Variants in LHX2 observed in about 807,000 individuals in gnomAD.
LHX2 encodes LIM/homeobox protein Lhx2.
A neutral mutation model predicts 33.0 loss-of-function variants in LHX2; 6 were observed. The observed-to-expected ratio is 0.18, with a 90% CI of 0.10 to 0.36. The LOEUF (loss-of-function observed/expected upper bound fraction) is 0.36, where lower values mean the gene tolerates loss of function less well. Ranked by LOEUF, LHX2 falls within the 10% of genes least tolerant of loss-of-function variation. LHX2 has a pLI of 1.00. For missense variants in LHX2, 442 were observed against 586.2 expected (o/e 0.75, Z 2.54); for synonymous variants, 292 against 253.1 (o/e 1.15, Z -1.46).
In LHX2 at chr9:124,014,193, A is replaced by G; in HGVS notation, c.323+30A>G. 7.3e-7 allele frequency: 1 copy of G among 1,361,034 alleles called. No homozygotes were observed. Among genetic ancestry groups the G allele is most frequent in the Non-Finnish European group, 9.9e-7 (1 of 1,010,080 alleles). The allele number at this position is 1,361,034 out of a possible 1,614,324, so 84.3% of individuals were successfully genotyped here. A position where few individuals can be genotyped will look rare whatever the true frequency, so the allele number is the denominator to read the frequency against. On this transcript the variant is annotated intron_variant, in intron 2 of 4. Coordinates refer to ENST00000373615, the MANE Select transcript of LHX2 (RefSeq NM_004789.4). The surrounding 1 kb of genome is among the most constrained non-coding windows in gnomAD (Gnocchi z 4.8). Reference sequence around the variant, plus strand: ...CCCCCCCACCCAACTGCCCCTCAGGACCCCTCCCCCCAATCTCAGGCACAG... The same window carrying G: ...CCCCCCCACCCAACTGCCCCTCAGGGCCCCTCCCCCCAATCTCAGGCACAG...
chr9:124,030,725 G>A (rs1366465701), intron 4 of LHX2, among the ~76,000 whole-genome samples: 5 of 147,176 alleles, frequency 3.4e-5, no homozygotes, highest in Non-Finnish European at 7.4e-5. Context: ...TCCGCCTCCC[G>A]GGTTCAAGCA....
At position 124,016,217 on chromosome 9, in the gene LHX2, C is replaced by T. The variant is rs1011167186; in HGVS notation, c.727+692C>T. On this transcript the variant is annotated intron_variant, in intron 3 of 4. Transcript: ENST00000373615. This position sits in a 1 kb window ranked among gnomAD's most constrained non-coding sequence, Gnocchi z 4.4. ...GGGGACGAGACCGGAGCAGGCCTGG[C>T]CTCGCGCCGGGGTGGGGTGGGGTGG... 1.2e-4 allele frequency among the ~76,000 whole-genome samples: 18 copies of T among 151,624 alleles called. No homozygotes were observed. The highest frequency in any genetic ancestry group is 3.3e-4 in the Admixed American group (5 of 15,248).
At position 124,032,780 on chromosome 9, in the gene LHX2, A is replaced by G. The variant is rs1485199125; in HGVS notation, c.*73A>G. On this transcript the variant is annotated 3_prime_UTR_variant, in exon 5 of 5. Transcript: ENST00000373615. This position sits in a 1 kb window ranked among gnomAD's most constrained non-coding sequence, Gnocchi z 4.1. ...TTTAGTTGAATTCCAAGTGTATTTT[A>G]AAATAGAGGCTTTGAGCAACTAACT... 6 of 1,462,518 alleles carry G rather than the reference A, an allele frequency of 4.1e-6. No individual in the cohort carries two copies. In the African/African-American group the frequency reaches 4.3e-5, roughly 10 times the overall value. 90.6% of individuals were successfully genotyped at this position (1,462,518 alleles called of 1,614,324 possible).
chr9:124,016,657 G>A lies in LHX2; in HGVS notation c.727+1132G>A, dbSNP rs1859195706. On this transcript the variant is annotated intron_variant, in intron 3 of 4. Transcript: ENST00000373615. The surrounding 1 kb of genome is among the most constrained non-coding windows in gnomAD (Gnocchi z 4.4). ...GAATAGAGAGGGAAATGAGGGGCGG[G>A]TGTTCGCTCCAACGAAATCGCTTGG... is the stretch of plus-strand genomic sequence containing the variant. Among the ~76,000 whole-genome samples, 1 of 152,190 alleles carries A rather than the reference G, an allele frequency of 6.6e-6. No homozygotes were observed. The highest frequency in any genetic ancestry group is 1.5e-5 in the Non-Finnish European group (1 of 68,028).
intron 4 of LHX2, among the ~76,000 whole-genome samples, chr9:124,028,504 G>A (rs767564714): frequency 1.3e-5 from 2 of 152,182 alleles, no homozygotes; most frequent in Admixed American, 6.5e-5. Context: ...CATAGAGATC[G>A]TATGATGTGG....
intron 4 of LHX2, among the ~76,000 whole-genome samples, chr9:124,025,385 G>C (rs4240484): frequency 0.39 from 57,143 of 148,356 alleles, 11,717 homozygotes; most frequent in Admixed American, 0.49. Flanking sequence ...AGCTTGCAGT[G>C]AGCCAAGATT....
In LHX2 at chr9:124,012,672, C is replaced by T. The variant is rs1488934791; in HGVS notation, c.120+204C>T. 3.3e-5 allele frequency among the ~76,000 whole-genome samples: 5 copies of T among 152,232 alleles called. No individual in the cohort carries two copies. The highest frequency in any genetic ancestry group is 5.9e-5 in the Non-Finnish European group (4 of 68,040). On this transcript the variant is annotated intron_variant, in intron 1 of 4. Transcript: ENST00000373615. The surrounding 1 kb of genome is among the most constrained non-coding windows in gnomAD (Gnocchi z 4.3). ...CGCAGAAGGGAAACAAGGTTGAAAC[C>T]GAAATCTCGGCCCTGGGGGTAGAGG...
intron 4 of LHX2, among the ~76,000 whole-genome samples, chr9:124,031,435 A>G (rs991233283): frequency 1.3e-5 from 2 of 152,036 alleles, no homozygotes; most frequent in African/African-American, 4.8e-5. Flanking sequence ...GCTGAAAGGC[A>G]ACTGCCAAAA....
intron 4 of LHX2, among the ~76,000 whole-genome samples, chr9:124,023,248 GGAA>G (rs200353760): frequency 0.012 from 1,800 of 152,200 alleles, 30 homozygotes; most frequent in African/African-American, 0.042. Flanking sequence ...GGGCCACATT[GGAA>G]GAAGAAGAAT....
chr9:124,013,316 A>G (rs1305384776), intron 1 of LHX2, among the ~76,000 whole-genome samples: 2 of 152,152 alleles, frequency 1.3e-5, no homozygotes, highest in Non-Finnish European at 2.9e-5. Context: ...GTCAGTTTGG[A>G]TAGGGAAGTA....
At chr9:124,028,846 G>A (rs1047654232) in intron 4 of LHX2, among the ~76,000 whole-genome samples, 1 of 152,176 alleles carries the variant, frequency 6.6e-6, no homozygotes, top group Non-Finnish European at 1.5e-5. Flanking sequence ...GGTGGCTCAT[G>A]CCTATAATCC....
Position 124,015,053 on chromosome 9 carries a change from A to G in LHX2, c.324-69A>G. On this transcript the variant is annotated intron_variant, in intron 2 of 4. Transcript: ENST00000373615. The surrounding 1 kb of genome is among the most constrained non-coding windows in gnomAD (Gnocchi z 7.9). ...GATTGCCCCCCGCAGCAGCAGCGGC[A>G]CCTGGAGGAGGAAAAGGGGGGTACC... 3 of 1,566,052 alleles carry G rather than the reference A, an allele frequency of 1.9e-6. No homozygotes were observed. Among genetic ancestry groups the G allele is most frequent in the Non-Finnish European group, 2.6e-6 (3 of 1,156,584 alleles).
intron 4 of LHX2, among the ~76,000 whole-genome samples, chr9:124,022,996 C>G (rs1022692301): frequency 1.3e-5 from 2 of 152,234 alleles, no homozygotes; most frequent in African/African-American, 2.4e-5. Flanking sequence ...GCCTGAGCTC[C>G]TGGTGGATGG....
intron 4 of LHX2, among the ~76,000 whole-genome samples, chr9:124,022,543 C>T (rs554347555): frequency 2.6e-5 from 4 of 152,302 alleles, no homozygotes; most frequent in Admixed American, 2.6e-4. Flanking sequence ...AGTAACCGGA[C>T]AGCCTCACAA....
intron 3 of LHX2, among the ~76,000 whole-genome samples, chr9:124,020,673 C>T (rs1021409088): frequency 1.4e-4 from 21 of 152,076 alleles, no homozygotes; most frequent in Non-Finnish European, 2.9e-4. Context: ...TCTGTAAAAA[C>T]GGGAAAAATA....
chr9:124,013,920 T>A, intron 1 of LHX2, 41 bp from the exon 2 acceptor site: 1 of 1,589,940 alleles, frequency 6.3e-7, no homozygotes, highest in Non-Finnish European at 8.6e-7. Context: ...GGCCGCTGGC[T>A]GACGCAGGCG....
chr9:124,013,607 T>G (rs551483108), intron 1 of LHX2, among the ~76,000 whole-genome samples: 10 of 152,368 alleles, frequency 6.6e-5, no homozygotes, highest in Admixed American at 2.0e-4. Flanking sequence ...GGAAAGCTCT[T>G]GGAGGGCTTG....
chr9:124,016,842 T>C lies in LHX2; in HGVS notation c.727+1317T>C, dbSNP rs924521526. Among the ~76,000 whole-genome samples the C allele has an allele frequency of 2.0e-5, 3 of 151,910 alleles. No individual in the cohort carries two copies. The highest frequency in any genetic ancestry group is 2.9e-5 in the Non-Finnish European group (2 of 67,992). ...AGCTCTCTGGAACTTCCATCCCTCCTCTCCTACCACCCCCCAAAAAAAGAC... is the reference window on the plus strand; with the variant it reads ...AGCTCTCTGGAACTTCCATCCCTCCCCTCCTACCACCCCCCAAAAAAAGAC... On this transcript the variant is annotated intron_variant, in intron 3 of 4. Transcript: ENST00000373615. This position sits in a 1 kb window ranked among gnomAD's most constrained non-coding sequence, Gnocchi z 4.4.
In LHX2 at chr9:124,032,525, T is replaced by A; in HGVS notation, c.1039T>A (p.Ser347Thr). The change falls in exon 5 of 5, where the codon TCG becomes ACG. Residue 347 changes from serine (S) to threonine (T), a missense_variant. By Grantham distance (58) the Ser-to-Thr change is moderately conservative (BLOSUM62 1). Coordinates refer to ENST00000373615, the MANE Select transcript of LHX2 (RefSeq NM_004789.4). The surrounding 1 kb of genome is among the most constrained non-coding windows in gnomAD (Gnocchi z 4.1). ...CGCGGCGCTGCAGACAGGGACGCCA[T>A]CGGGCCCGGCCTCGGAGCTCTCCAA... The part of the protein sequence containing the change: ...TDAALQTGTP[S>T]GPASELSNAS... The A allele has an allele frequency of 6.2e-7, 1 of 1,613,896 alleles. No individual in the cohort carries two copies. The highest frequency in any genetic ancestry group is 8.5e-7 in the Non-Finnish European group (1 of 1,180,002).
Sources: gnomAD v4.1 joint callset for allele counts (sites outside exome capture counted in the v4.1 genomes callset) on GRCh38, gnomAD v4.1.1 for gene constraint, Gnocchi (gnomAD v3.1) non-coding constraint, MANE v1.5 for transcripts, NCBI Gene and HGNC (gene_info 2026-07-23, HGNC 2026-07-21) for gene names.